The following DEF8 variants were observed in gnomAD, a reference collection of about 807,000 sequenced individuals.
DEF8 encodes the protein differentially expressed in FDCP 8 homolog.
A neutral mutation model predicts 59.1 loss-of-function variants in DEF8; 38 were observed. The ratio of observed to expected loss-of-function variants is 0.64; its 90% CI spans 0.50 to 0.84. DEF8 has a LOEUF of 0.84. Among genes scored for constraint, DEF8 ranks in the 40% least tolerant of loss-of-function variants. The pLI, the probability that DEF8 is intolerant of heterozygous loss-of-function variation, is 0.00. For missense variants in DEF8, 557 were observed against 615.2 expected (o/e 0.91, Z 1.00); for synonymous variants, 265 against 250.1 (o/e 1.06, Z -0.56).
At chr16:89,961,269 C>T (rs1326940253) in intron 7 of DEF8, among the ~76,000 whole-genome samples, 174 bp downstream of exon 7, 1 of 152,180 alleles carries the variant, frequency 6.6e-6, no homozygotes, top group Non-Finnish European at 1.5e-5. Flanking sequence ...TCATTTCTCA[C>T]TGAAGCAGAC....
rs1467305638 is a variant in DEF8 at position 89,959,074 on chromosome 16, A to T, written c.433A>T (p.Lys145Ter). The change falls in exon 6 of 13, where the codon AAG becomes TAG. Residue 145 changes from lysine (K) to a stop codon, truncating the protein, a stop_gained. Coordinates refer to ENST00000563594, the MANE Select transcript of DEF8 (RefSeq NM_001242818.2). LOFTEE classifies it high-confidence loss of function. ...VLLEHRFYKE[K>*]SKSVKQTCDK... The stretch of plus-strand genomic sequence containing the variant: ...CCTTGAGCACCGCTTTTACAAGGAG[A>T]AGAGCAAGAGCGTCAAGCAGACCTG... The T allele has an allele frequency of 6.2e-7, 1 of 1,613,822 alleles. No homozygotes were observed. Among genetic ancestry groups the T allele is most frequent in the Non-Finnish European group, 8.5e-7 (1 of 1,180,026 alleles).
chr16:89,958,940 G>T, intron 5 of DEF8, 74 bp from the exon 6 acceptor site: 2 of 1,574,140 alleles, frequency 1.3e-6, no homozygotes, highest in South Asian at 2.3e-5. Context: ...GAAATAAGTT[G>T]AGGGGCTTGT....
intron 4 of DEF8, among the ~76,000 whole-genome samples, chr16:89,956,138 A>G (rs1322838655): frequency 2.0e-5 from 3 of 151,566 alleles, no homozygotes; most frequent in African/African-American, 7.3e-5. Context: ...TGAGGGAAAC[A>G]TTACGGCAAC....
Position 89,955,043 on chromosome 16 carries a change from C to T in DEF8, c.125-126C>T, listed in dbSNP as rs550439938. On this transcript the variant is annotated intron_variant, in intron 3 of 12. Transcript: ENST00000563594. Reference sequence around the variant, plus strand: ...AGATCTGAGTGGTGCCCAGCTCTCACGGTGCCTCCTTTCTGTGCGGCTTCC... The same window carrying T: ...AGATCTGAGTGGTGCCCAGCTCTCATGGTGCCTCCTTTCTGTGCGGCTTCC... 8.7e-5 allele frequency: 60 copies of T among 687,102 alleles called. No individual in the cohort carries two copies. The East Asian group carries it at 1.2e-3, about 14-fold the overall frequency. The allele number at this position is 687,102 out of a possible 1,614,324, so 42.6% of individuals were successfully genotyped here.
chr16:89,964,009 G>C (rs767597121), intron 10 of DEF8, 161 bp from the exon 11 acceptor site: 2 of 960,788 alleles, frequency 2.1e-6, no homozygotes, highest in African/African-American at 3.2e-5. Context: ...ATCTTCCCCT[G>C]TCGGCTTCCT....
chr16:89,964,333 C>G lies in DEF8; in HGVS notation c.1143+23C>G, dbSNP rs112916238. 11 of 1,567,514 alleles carry G rather than the reference C, an allele frequency of 7.0e-6. No individual in the cohort carries two copies. The African/African-American group carries it at 8.1e-5, about 12-fold the overall frequency. On this transcript the variant is annotated intron_variant, in intron 11 of 12. Coordinates refer to ENST00000563594, the MANE Select transcript of DEF8 (RefSeq NM_001242818.2). ...GAGGTGGGCCTCTGCCCGAGGGCCG[C>G]TCTTCTCCAACCCCAGCCCTGAGGG...
intron 1 of DEF8, 81 bp downstream of exon 1, chr16:89,948,895 G>A (rs2151104886): frequency 6.4e-6 from 1 of 155,690 alleles, no homozygotes; most frequent in African/African-American, 1.1e-4. Context: ...CGGGGTCGGC[G>A]GGGTCGGGGC....
chr16:89,954,225 G>A lies in DEF8; in HGVS notation c.-10-18G>A. 1 of 1,609,186 alleles carries A rather than the reference G, an allele frequency of 6.2e-7. No individual in the cohort carries two copies. Among genetic ancestry groups the A allele is most frequent in the South Asian group, 1.1e-5 (1 of 90,602 alleles). On this transcript the variant is annotated intron_variant, in intron 2 of 12. Coordinates refer to ENST00000563594, the MANE Select transcript of DEF8 (RefSeq NM_001242818.2). The surrounding 1 kb of genome is among the most constrained non-coding windows in gnomAD (Gnocchi z 4.3). ...GCCTGGTACCTGGGGACTCATCCTG[G>A]CCCTGCCTGGCCCTCAGGTGGGATG... is the stretch of plus-strand genomic sequence containing the variant.
chr16:89,965,803 G>T, intron 12 of DEF8, 58 bp from the exon 13 acceptor site: 2 of 1,182,080 alleles, frequency 1.7e-6, no homozygotes, highest in East Asian at 2.5e-5. Context: ...AGGACGCTTG[G>T]GGGGATTCAG....
chr16:89,961,975 G>A (rs1276165660), intron 8 of DEF8, 37 bp from the exon 9 acceptor site: 1 of 1,611,602 alleles, frequency 6.2e-7, no homozygotes, highest in Non-Finnish European at 8.5e-7. Context: ...CGGGCCCTGG[G>A]TGGGTGTGAG....
Position 89,964,471 on chromosome 16 carries a change from C to T in DEF8, c.1149C>T (p.Cys383=). The change falls in exon 12 of 13, where the codon TGC becomes TGT. Residue 383 remains cysteine, a synonymous_variant. Transcript: ENST00000563594. ...AKHIKLDCER[C]QAKGFVCELC... ...CCCCACACTGTTCCCCCCAGCGGTGCCAGGCCAAGGGCTTCGTGTGTGAGC... is the reference window on the plus strand; with the variant it reads ...CCCCACACTGTTCCCCCCAGCGGTGTCAGGCCAAGGGCTTCGTGTGTGAGC... 2 of 1,590,368 alleles carry T rather than the reference C, an allele frequency of 1.3e-6. No individual in the cohort carries two copies. The highest frequency in any genetic ancestry group is 2.3e-5 in the East Asian group (1 of 43,098).
intron 7 of DEF8, 50 bp from the exon 8 acceptor site, chr16:89,961,687 T>C (rs2034043719): frequency 6.2e-7 from 1 of 1,604,592 alleles, no homozygotes; most frequent in African/African-American, 1.3e-5. Context: ...TGGAAAGCTG[T>C]GTGGGGTTTT....
At chr16:89,960,796 C>T in intron 6 of DEF8, 135 bp from the exon 7 acceptor site, 1 of 913,684 alleles carries the variant, frequency 1.1e-6, no homozygotes, top group East Asian at 2.5e-5. Context: ...TAAGGCCTCC[C>T]TTGGTGCCAG....
intron 2 of DEF8, among the ~76,000 whole-genome samples, chr16:89,953,445 A>G (rs765802943): frequency 9.2e-5 from 14 of 151,886 alleles, no homozygotes; most frequent in African/African-American, 3.4e-4. Flanking sequence ...GGAAAGAGCA[A>G]TTCTTGATCC....
chr16:89,949,337 G>T, intron 1 of DEF8, 80 bp from the exon 2 acceptor site: 1 of 1,207,304 alleles, frequency 8.3e-7, no homozygotes, highest in Non-Finnish European at 1.2e-6. Flanking sequence ...ACCTGCCCCC[G>T]AGGAGCCCGG....
At chr16:89,961,925 G>A in intron 8 of DEF8, 61 bp downstream of exon 8, 1 of 1,600,374 alleles carries the variant, frequency 6.2e-7, no homozygotes, top group Non-Finnish European at 8.5e-7. Context: ...GGGTTGGGGT[G>A]TGGAGCCGGT....
Position 89,954,563 on chromosome 16 carries a change from C to T in DEF8, c.124+187C>T, listed in dbSNP as rs550404956. Among the ~76,000 whole-genome samples, 136 of 152,324 alleles carry T rather than the reference C, an allele frequency of 8.9e-4. No homozygotes were observed. The highest frequency in any genetic ancestry group is 1.2e-4 in the Non-Finnish European group (8 of 68,032). On this transcript the variant is annotated intron_variant, in intron 3 of 12. Coordinates refer to ENST00000563594, the MANE Select transcript of DEF8 (RefSeq NM_001242818.2). The surrounding 1 kb of genome is among the most constrained non-coding windows in gnomAD (Gnocchi z 4.3). The stretch of plus-strand genomic sequence containing the variant: ...TTGTTTCTGTGTCCCCACTAGAATT[C>T]ACATTCCTGAGGGCAAGATTTGTGC...
At chr16:89,956,331 G>A (rs1484382943) in intron 4 of DEF8, among the ~76,000 whole-genome samples, 3 of 150,146 alleles carry the variant, frequency 2.0e-5, no homozygotes, top group African/African-American at 2.4e-5. Flanking sequence ...ATAGTGGAGC[G>A]CCCCTGTAGT....
intron 7 of DEF8, among the ~76,000 whole-genome samples, 153 bp from the exon 8 acceptor site, chr16:89,961,584 C>T (rs181270821): frequency 4.5e-4 from 68 of 152,292 alleles, no homozygotes; most frequent in African/African-American, 1.3e-3. Flanking sequence ...GTCAGTGAGA[C>T]GCTGGGACCA....
Sources: gnomAD v4.1 joint callset for allele counts (sites outside exome capture counted in the v4.1 genomes callset) on GRCh38, gnomAD v4.1.1 for gene constraint, Gnocchi (gnomAD v3.1) non-coding constraint, MANE v1.5 for transcripts, NCBI Gene and HGNC (gene_info 2026-07-23, HGNC 2026-07-21) for gene names.